CDC5L: variants seen among roughly 807,000 people sequenced by gnomAD.
CDC5L encodes cell division cycle 5-like protein.
A neutral mutation model predicts 104.1 loss-of-function variants in CDC5L; 18 were observed. The ratio of observed to expected loss-of-function variants is 0.17; its 90% confidence interval spans 0.12 to 0.26. CDC5L has a LOEUF of 0.26. CDC5L is among the 10% of genes least tolerant of loss of function. CDC5L has a pLI of 1.00. For missense variants in CDC5L, 673 were observed against 956.9 expected, an observed-to-expected ratio of 0.70 and a Z score of 3.91; for synonymous variants, 331 against 322.7, an observed-to-expected ratio of 1.03 and a Z score of -0.28.
At chr6:44,408,325 C>T (rs1791469026) in intron 7 of CDC5L, 119 bp from the exon 8 acceptor site, 1 of 544,714 alleles carries the variant, frequency 1.8e-6, no homozygotes, top group Non-Finnish European at 3.1e-6. Flanking sequence ...AGGTCCCGAA[C>T]TCCTGGGCTC....
intron 9 of CDC5L, among the ~76,000 whole-genome samples, chr6:44,421,658 TACA>T (rs1792180208): frequency 6.6e-6 from 1 of 152,184 alleles, no homozygotes; most frequent in African/African-American, 2.4e-5. Context: ...ACTCAAACAG[TACA>T]ACAATAACAA....
In CDC5L at chr6:44,414,075, A is replaced by G. The variant is rs563929322; in HGVS notation, c.1093-5374A>G. 5.9e-5 allele frequency among the ~76,000 whole-genome samples: 9 copies of G among 151,496 alleles called. No individual in the cohort carries two copies. In the East Asian group the frequency reaches 1.8e-3, roughly 30 times the overall value. ...TTTCATGTGCTTATTGGTTATTTTT[A>G]TATCTTTGTTGTTGTTGTTATTGAG... On this transcript the variant is annotated intron_variant, in intron 8 of 15. Transcript: ENST00000371477.
chr6:44,408,330 G>A, intron 7 of CDC5L, 114 bp from the exon 8 acceptor site: 1 of 628,652 alleles, frequency 1.6e-6, no homozygotes, highest in Non-Finnish European at 2.6e-6. Context: ...CCGAACTCCT[G>A]GGCTCAAACA....
intron 12 of CDC5L, 71 bp from the exon 13 acceptor site, chr6:44,426,411 G>T (rs1249177639): frequency 4.2e-6 from 4 of 947,108 alleles, no homozygotes; most frequent in Non-Finnish European, 4.8e-6. Context: ...TTTAATTCAT[G>T]CTGTAACAGG....
At position 44,426,728 on chromosome 6, in the gene CDC5L, T is replaced by C. The variant is rs545960232; in HGVS notation, c.1893+4T>C. ...CTCCAAAGAAGAGCTGAAAAAGGTA[T>C]GATTGAGCTGGAATATTTCTTCTTG... is the stretch of plus-strand genomic sequence containing the variant. On this transcript the variant is annotated splice_donor_region_variant and intron_variant, in intron 13 of 15. Coordinates refer to ENST00000371477, the MANE Select transcript of CDC5L (RefSeq NM_001253.4). 9.9e-6 allele frequency: 16 copies of C among 1,611,588 alleles called. No individual in the cohort carries two copies. In the African/African-American group the frequency reaches 1.7e-4, roughly 17 times the overall value.
intron 5 of CDC5L, among the ~76,000 whole-genome samples, chr6:44,399,364 G>A (rs1791014382): frequency 6.6e-6 from 1 of 152,186 alleles, no homozygotes; most frequent in Non-Finnish European, 1.5e-5. Flanking sequence ...CTTACTGGAT[G>A]TGTAGATTAA....
At chr6:44,403,645 C>T (rs1296517695) in intron 5 of CDC5L, among the ~76,000 whole-genome samples, 164 bp from the exon 6 acceptor site, 2 of 151,796 alleles carry the variant, frequency 1.3e-5, no homozygotes, top group African/African-American at 4.8e-5. Context: ...TGTGTGTGCA[C>T]CTTTAAATTA....
rs145091469 is a variant in CDC5L, at chr6:44,393,817, G to A, written c.439+244G>A. Among the ~76,000 whole-genome samples the A allele has an allele frequency of 1.6e-3, 236 of 151,886 alleles. 1 individual carries two copies. The highest frequency in any genetic ancestry group is 5.2e-3 in the African/African-American group (216 of 41,398). On this transcript the variant is annotated intron_variant, in intron 4 of 15. Coordinates refer to ENST00000371477, the MANE Select transcript of CDC5L (RefSeq NM_001253.4). ...GTAGTTGGGACTACAGGTTTATGCC[G>A]CCATACCTGGCTAATTTTTAAATTT...
chr6:44,387,749 G>A lies in CDC5L; in HGVS notation c.-75G>A, dbSNP rs941750324. On this transcript the variant is annotated 5_prime_UTR_variant, in exon 1 of 16. Transcript: ENST00000371477. ...CGCTTGGAGGAAGTGGCGGCTTTGA[G>A]TCCGGTGGCCCAATCGCTGTTACTA... 111 of 1,341,314 alleles carry A rather than the reference G, an allele frequency of 8.3e-5. No homozygotes were observed. Among genetic ancestry groups the A allele is most frequent in the Non-Finnish European group, 1.1e-4 (101 of 958,956 alleles). The allele number at this position is 1,341,314 out of a possible 1,614,324, so 83.1% of individuals were successfully genotyped here. A position where few individuals can be genotyped will look rare whatever the true frequency, so the allele number is the denominator to read the frequency against.
intron 5 of CDC5L, among the ~76,000 whole-genome samples, chr6:44,400,493 T>G (rs1791071629): frequency 6.6e-6 from 1 of 152,200 alleles, no homozygotes; most frequent in Non-Finnish European, 1.5e-5. Context: ...GTTCAAGTAG[T>G]TCTCTTGCTT....
intron 11 of CDC5L, among the ~76,000 whole-genome samples, chr6:44,424,905 G>T (rs1045786954): frequency 6.6e-6 from 1 of 152,078 alleles, no homozygotes; most frequent in African/African-American, 2.4e-5. Context: ...TTATTGGTTA[G>T]TCTTAAAAAC....
chr6:44,392,380 C>A (rs938752661), intron 2 of CDC5L, among the ~76,000 whole-genome samples: 2 of 151,886 alleles, frequency 1.3e-5, no homozygotes, highest in Non-Finnish European at 2.9e-5. Context: ...TCTAGAAAAG[C>A]GTAAATAAAT....
chr6:44,430,541 T>G (rs1195715832), intron 14 of CDC5L, among the ~76,000 whole-genome samples: 2 of 150,726 alleles, frequency 1.3e-5, no homozygotes, highest in Non-Finnish European at 2.9e-5. Flanking sequence ...GCATGTAAAT[T>G]GTGGTTCACA....
chr6:44,412,955 TG>T (rs1791721253), intron 8 of CDC5L, among the ~76,000 whole-genome samples: 2 of 151,544 alleles, frequency 1.3e-5, no homozygotes, highest in South Asian at 4.2e-4. Flanking sequence ...GCTAATTTTT[TG>T]TATTTTTAGT....
chr6:44,397,706 G>A (rs1790933410), intron 5 of CDC5L, among the ~76,000 whole-genome samples: 1 of 152,204 alleles, frequency 6.6e-6, no homozygotes, highest in African/African-American at 2.4e-5. Flanking sequence ...CTGTGAAACA[G>A]GAAACTTGGC....
intron 4 of CDC5L, 60 bp from the exon 5 acceptor site, chr6:44,396,281 G>T: frequency 9.6e-7 from 1 of 1,040,094 alleles, no homozygotes; most frequent in Non-Finnish European, 1.4e-6. Context: ...TACATACCTT[G>T]CTTCTAGAGT....
Position 44,429,645 on chromosome 6 carries a change from T to C in CDC5L, c.1894-68T>C, listed in dbSNP as rs559288866. On this transcript the variant is annotated intron_variant, in intron 13 of 15. Transcript: ENST00000371477. Reference sequence around the variant, plus strand: ...AAGGCATGAGGGAAAAAATTAGTCTTCTAAAGCTCTCTGGATATGGCAAGT... The same window carrying C: ...AAGGCATGAGGGAAAAAATTAGTCTCCTAAAGCTCTCTGGATATGGCAAGT... 15 of 1,428,704 alleles carry C rather than the reference T, an allele frequency of 1.0e-5. No individual in the cohort carries two copies. In the South Asian group the frequency reaches 1.9e-4, roughly 18 times the overall value. 88.5% of individuals were successfully genotyped at this position (1,428,704 alleles called of 1,614,324 possible). A position where few individuals can be genotyped will look rare whatever the true frequency, so the allele number is the denominator to read the frequency against.
At chr6:44,400,725 T>G (rs1372738360) in intron 5 of CDC5L, among the ~76,000 whole-genome samples, 1 of 152,208 alleles carries the variant, frequency 6.6e-6, no homozygotes, top group African/African-American at 2.4e-5. Flanking sequence ...GTGAGAAATG[T>G]GAAGCATCTG....
chr6:44,396,513 C>T, intron 5 of CDC5L, 73 bp downstream of exon 5: 1 of 932,496 alleles, frequency 1.1e-6, no homozygotes, highest in Non-Finnish European at 1.7e-6. Flanking sequence ...ACTTCTGTGA[C>T]CAGATATGTG....
Sources: allele counts gnomAD v4.1 joint callset (sites outside exome capture counted in the v4.1 genomes callset), GRCh38; gene constraint gnomAD v4.1.1; transcripts MANE v1.5; gene names NCBI Gene and HGNC (gene_info 2026-07-23, HGNC 2026-07-21).